AGO3: variants seen among roughly 807,000 people sequenced by gnomAD.
The protein encoded by AGO3 is protein argonaute-3.
AGO3 carries 16 observed loss-of-function variants against 105.5 expected under a neutral mutation model. The observed-to-expected ratio is 0.15, with a 90% CI of 0.10 to 0.23. AGO3 has a LOEUF of 0.23. Among genes scored for constraint, AGO3 ranks in the 10% least tolerant of loss-of-function variants. The pLI is 1.00. For synonymous variants in AGO3, 340 were observed against 367.3 expected (o/e 0.93, Z 0.85); for missense variants, 534 against 1,088.0 (o/e 0.49, Z 7.16).
intron 12 of AGO3, among the ~76,000 whole-genome samples, chr1:36,028,362 G>A (rs1341404902): frequency 6.7e-6 from 1 of 148,276 alleles, no homozygotes; most frequent in East Asian, 2.0e-4. Flanking sequence ...TCGTTATCTA[G>A]CATTAGATGT....
rs1457091939 is a variant in AGO3, at chr1:35,973,406, G to T, written c.553G>T (p.Ala185Ser). 1 of 1,583,326 alleles carries T rather than the reference G, an allele frequency of 6.3e-7. No individual in the cohort carries two copies. The highest frequency in any genetic ancestry group is 8.6e-7 in the Non-Finnish European group (1 of 1,161,158). The change falls in exon 5 of 19, where the codon GCT (alanine) becomes TCT (serine). Residue 185 changes from alanine (A) to serine (S), a missense_variant. Ala to Ser is a moderately conservative substitution (Grantham distance 99). This residue lies in a region of AGO3 where 161 missense variants were observed against 234.0 expected (regional missense o/e 0.69). Coordinates refer to ENST00000373191, the MANE Select transcript of AGO3 (RefSeq NM_024852.4). ...YTPVGRSFFS[A>S]PEGYDHPLGG... ...ACCTGTGGGGCGTTCATTTTTCTCC[G>T]CTCCAGAAGGATATGACCACCCTCT...
chr1:35,949,068 C>T (rs936816991), intron 2 of AGO3, among the ~76,000 whole-genome samples: 4 of 152,102 alleles, frequency 2.6e-5, no homozygotes, highest in Non-Finnish European at 2.9e-5. Flanking sequence ...CTCAGCCTCC[C>T]GAGTAGCTGG....
chr1:36,014,163 A>ATTT (rs762002662), intron 11 of AGO3, 115 bp downstream of exon 11: 13 of 1,146,198 alleles, frequency 1.1e-5, no homozygotes, highest in Non-Finnish European at 1.3e-5. Context: ...TCACTGAACC[A>ATTT]TTTTTTTTTT....
intron 17 of AGO3, among the ~76,000 whole-genome samples, chr1:36,047,543 C>T (rs1418697402): frequency 1.3e-5 from 2 of 151,678 alleles, no homozygotes; most frequent in African/African-American, 2.4e-5. Context: ...TATGGGAGTT[C>T]CAGAAGGAGA....
At position 36,004,490 on chromosome 1, in the gene AGO3, A is replaced by G. The variant is rs1640248420; in HGVS notation, c.793+15A>G. 1 of 1,574,390 alleles carries G rather than the reference A, an allele frequency of 6.4e-7. No homozygotes were observed. Among genetic ancestry groups the G allele is most frequent in the South Asian group, 1.2e-5 (1 of 84,070 alleles). ...AGAGATAAAAGGTGAATTAATTAGC[A>G]TTTAGCACAACTTAACTATAAAATG... is the stretch of plus-strand genomic sequence containing the variant. On this transcript the variant is annotated intron_variant, in intron 6 of 18. Transcript: ENST00000373191.
At chr1:35,996,379 CG>C (rs1639811649) in intron 5 of AGO3, among the ~76,000 whole-genome samples, 1 of 149,870 alleles carries the variant, frequency 6.7e-6, no homozygotes, top group African/African-American at 2.4e-5. Flanking sequence ...ATTTGCAAAA[CG>C]TAACAGAACA....
At chr1:35,963,944 A>G (rs995866187) in intron 2 of AGO3, among the ~76,000 whole-genome samples, 3 of 151,820 alleles carry the variant, frequency 2.0e-5, no homozygotes, top group Admixed American at 6.6e-5. Flanking sequence ...TGTTGAATTC[A>G]GCTCTAGATA....
intron 2 of AGO3, among the ~76,000 whole-genome samples, chr1:35,946,775 C>T (rs1011098704): frequency 7.9e-5 from 12 of 152,238 alleles, no homozygotes; most frequent in African/African-American, 2.6e-4. Context: ...TGTGATAACA[C>T]GTTAAAAACA....
At chr1:35,942,772 T>G (rs1646279498) in intron 1 of AGO3, among the ~76,000 whole-genome samples, 1 of 152,224 alleles carries the variant, frequency 6.6e-6, no homozygotes, top group Non-Finnish European at 1.5e-5. Flanking sequence ...TTAACCATTT[T>G]TGTGTATAGT....
rs534204734 is a variant in AGO3, at chr1:35,962,417, C to G, written c.192-4538C>G. ...AATTAGCCAGGCATGGTGGCGGGTG[C>G]CTGTAGTCCCAGCTACTCGGGAGGC... On this transcript the variant is annotated intron_variant, in intron 2 of 18. Transcript: ENST00000373191. 3.9e-3 allele frequency among the ~76,000 whole-genome samples: 600 copies of G among 152,012 alleles called. 6 individuals are homozygous for G. The highest frequency in any genetic ancestry group is 0.014 in the African/African-American group (574 of 41,452).
chr1:35,992,361 G>A (rs977196273), intron 5 of AGO3: 2 of 152,112 alleles, frequency 1.3e-5, no homozygotes, highest in African/African-American at 2.4e-5. Flanking sequence ...CTAGACAGAG[G>A]ATATAGGACT....
chr1:35,931,310 C>G lies in AGO3; in HGVS notation c.-117C>G. 2 of 968,558 alleles carry G rather than the reference C, an allele frequency of 2.1e-6. No homozygotes were observed. The highest frequency in any genetic ancestry group is 1.4e-6 in the Non-Finnish European group (1 of 709,722). 60.0% of individuals were successfully genotyped at this position (968,558 alleles called of 1,614,324 possible). ...GCTCAGGGGAAGCCGTCGCCGCCCC[C>G]GCCTCGGGGCCGAGTGAGAGTGCCC... On this transcript the variant is annotated 5_prime_UTR_variant, in exon 1 of 19. Transcript: ENST00000373191.
intron 1 of AGO3, among the ~76,000 whole-genome samples, chr1:35,937,029 A>G (rs553367035): frequency 1.3e-5 from 2 of 152,344 alleles, no homozygotes; most frequent in Non-Finnish European, 1.5e-5. Flanking sequence ...ATTTCTGTGA[A>G]CTTTAAAAAT....
chr1:35,978,011 C>T (rs1048439508), intron 5 of AGO3, among the ~76,000 whole-genome samples: 7 of 151,970 alleles, frequency 4.6e-5, no homozygotes, highest in African/African-American at 1.4e-4. Flanking sequence ...AACCTTTTTT[C>T]CTATGCCCTG....
chr1:35,956,437 A>G (rs992354214), intron 2 of AGO3, among the ~76,000 whole-genome samples: 1 of 152,154 alleles, frequency 6.6e-6, no homozygotes, highest in Admixed American at 6.5e-5. Flanking sequence ...CAAAATGGAG[A>G]TTGTGATTCG....
chr1:36,043,393 A>C (rs1642332410), intron 16 of AGO3, 54 bp from the exon 17 acceptor site: 1 of 1,405,860 alleles, frequency 7.1e-7, no homozygotes, highest in Admixed American at 1.8e-5. Flanking sequence ...AAGTGCTTTC[A>C]GATATATTTT....
chr1:36,013,576 A>G (rs1034662409), intron 9 of AGO3, 54 bp from the exon 10 acceptor site: 2 of 1,606,732 alleles, frequency 1.2e-6, no homozygotes, highest in African/African-American at 2.7e-5. Context: ...AATGCATTAA[A>G]GTAGGGGATT....
chr1:35,939,659 T>C (rs1571406519), intron 1 of AGO3, among the ~76,000 whole-genome samples: 1 of 152,296 alleles, frequency 6.6e-6, no homozygotes, highest in South Asian at 2.1e-4. Context: ...GTGCATTTAA[T>C]CTTCCTTAAC....
At chr1:36,040,965 C>T (rs1421699685) in intron 16 of AGO3, among the ~76,000 whole-genome samples, 3 of 148,744 alleles carry the variant, frequency 2.0e-5, no homozygotes, top group African/African-American at 5.0e-5. Context: ...CCCAGCTACT[C>T]GGGAGACTGA....
Sources: allele counts gnomAD v4.1 joint callset (sites outside exome capture counted in the v4.1 genomes callset), GRCh38; gene constraint gnomAD v4.1.1; regional missense constraint gnomAD v4.1.1; transcripts MANE v1.5; gene names NCBI Gene and HGNC (gene_info 2026-07-23, HGNC 2026-07-21).